Variants in ASTN2 observed in about 807,000 individuals in gnomAD.
ASTN2 encodes astrotactin 2.
Under a neutral mutation model 139.8 loss-of-function variants are expected in ASTN2, and 54 were observed. That is an observed-to-expected ratio of 0.39 (90% CI 0.31 to 0.48). ASTN2 has a LOEUF of 0.48. ASTN2 is among the 20% of genes least tolerant of loss of function. ASTN2 has a pLI of 0.95. For synonymous variants in ASTN2, 756 were observed against 719.5 expected, an observed-to-expected ratio of 1.05 and a Z score of -0.81; for missense variants, 1,565 against 1,725.1, an observed-to-expected ratio of 0.91 and a Z score of 1.64.
intron 1 of ASTN2, among the ~76,000 whole-genome samples, chr9:117,391,937 T>A (rs4836566): frequency 0.18 from 27,048 of 152,060 alleles, 2,768 homozygotes; most frequent in East Asian, 0.42. Context: ...GGCAGAATAG[T>A]CAAATCTTAA....
chr9:116,853,245 T>C (rs1391364782), intron 11 of ASTN2, among the ~76,000 whole-genome samples: 1 of 152,100 alleles, frequency 6.6e-6, no homozygotes, highest in Non-Finnish European at 1.5e-5. Context: ...ATTTATTTTA[T>C]TTTATAATGA....
At chr9:116,946,094 A>G (rs1835386439) in intron 10 of ASTN2, among the ~76,000 whole-genome samples, 1 of 152,206 alleles carries the variant, frequency 6.6e-6, no homozygotes, top group Non-Finnish European at 1.5e-5. Context: ...TATCATGAGA[A>G]CAGTAAGACA....
At chr9:117,132,804 A>G (rs535230413) in intron 4 of ASTN2, among the ~76,000 whole-genome samples, 43 of 152,344 alleles carry the variant, frequency 2.8e-4, no homozygotes, top group African/African-American at 1.0e-3. Flanking sequence ...AAGGTTTCCT[A>G]ATCAAAGATA....
intron 1 of ASTN2, among the ~76,000 whole-genome samples, chr9:117,383,276 T>C (rs559150102): frequency 9.8e-5 from 15 of 152,302 alleles, no homozygotes; most frequent in Admixed American, 2.0e-4. Context: ...TGCTGACTCC[T>C]GTACTGTTTG....
At chr9:117,121,064 C>T (rs1829546249) in intron 4 of ASTN2, among the ~76,000 whole-genome samples, 1 of 152,198 alleles carries the variant, frequency 6.6e-6, no homozygotes, top group African/African-American at 2.4e-5. Flanking sequence ...TTTTCCATCT[C>T]TATCTGGTAA....
Position 117,214,826 on chromosome 9 carries a change from C to G in ASTN2, c.631-84G>C, listed in dbSNP as rs1456770874. ...AGGGGATTTTCCTGTCCACTACACTCTGCCAGGATCCCTGGGTTTGGCTCA... is the reference window on the plus strand; with the variant it reads ...AGGGGATTTTCCTGTCCACTACACTGTGCCAGGATCCCTGGGTTTGGCTCA... On this transcript the variant is annotated intron_variant, in intron 2 of 22. Transcript: ENST00000313400. The G allele has an allele frequency of 2.3e-6, 3 of 1,319,700 alleles. No homozygotes were observed. The African/African-American group carries it at 4.4e-5, about 19-fold the overall frequency. 81.7% of individuals were successfully genotyped at this position (1,319,700 alleles called of 1,614,324 possible). A position where few individuals can be genotyped will look rare whatever the true frequency, so the allele number is the denominator to read the frequency against.
intron 19 of ASTN2, among the ~76,000 whole-genome samples, chr9:116,569,255 A>G (rs1853390471): frequency 6.6e-6 from 1 of 152,226 alleles, no homozygotes; most frequent in African/African-American, 2.4e-5. Context: ...AGCCACTGCA[A>G]GTCTCAGAGC....
chr9:116,616,176 T>A (rs975595064), intron 19 of ASTN2, among the ~76,000 whole-genome samples: 2 of 152,218 alleles, frequency 1.3e-5, no homozygotes, highest in African/African-American at 4.8e-5. Flanking sequence ...TAGGAAGAAC[T>A]GAGCTTTCTA....
At chr9:116,551,641 T>C (rs965548532) in intron 19 of ASTN2, among the ~76,000 whole-genome samples, 10 of 152,164 alleles carry the variant, frequency 6.6e-5, no homozygotes, top group Admixed American at 3.3e-4. Flanking sequence ...TGTGCCTATA[T>C]CCGCTCTGCC....
At chr9:117,186,705 C>T (rs1042318721) in intron 3 of ASTN2, among the ~76,000 whole-genome samples, 15 of 152,138 alleles carry the variant, frequency 9.9e-5, no homozygotes, top group East Asian at 5.8e-4. Flanking sequence ...TCAATTCACT[C>T]CTCAATTATT....
chr9:117,238,614 G>T lies in ASTN2; in HGVS notation c.631-23872C>A, dbSNP rs1156566782. Among the ~76,000 whole-genome samples, 4 of 152,192 alleles carry T rather than the reference G, an allele frequency of 2.6e-5. No individual in the cohort carries two copies. The East Asian group carries it at 7.7e-4, about 29-fold the overall frequency. ...TTTCATTGAGCACCTTCAGTGATGAGAAACTGATTATTCCTTGATGATGGA... is the reference window on the plus strand; with the variant it reads ...TTTCATTGAGCACCTTCAGTGATGATAAACTGATTATTCCTTGATGATGGA... On this transcript the variant is annotated intron_variant, in intron 2 of 22. Transcript: ENST00000313400.
At chr9:117,087,235 T>C (rs1249793726) in intron 5 of ASTN2, among the ~76,000 whole-genome samples, 1 of 151,984 alleles carries the variant, frequency 6.6e-6, no homozygotes, top group African/African-American at 2.4e-5. Context: ...TGTTTGTTTG[T>C]TTGTTTGTTT....
Position 116,725,837 on chromosome 9 carries a change from G to A in ASTN2, c.2740C>T (p.Leu914Phe), listed in dbSNP as rs770291108. 1.5e-5 allele frequency: 24 copies of A among 1,614,034 alleles called. No individual in the cohort carries two copies. In the South Asian group the frequency reaches 2.6e-4, roughly 18 times the overall value. ...CTGGGAAAGTGGATGATGCAGGTGA[G>A]CTCTGAGCCATAGAGGGCCTCTGCG... is the stretch of plus-strand genomic sequence containing the variant. The part of the protein sequence containing the change: ...YIAEALYGSE[L>F]TCIIHFPSKK... Residue 914 changes from leucine (L) to phenylalanine (F), a missense_variant, in exon 16 of 23, where the codon CTC becomes TTC. By Grantham distance (22) the Leu-to-Phe change is conservative. Around this residue, in one of 4 missense-constraint regions of ASTN2, gnomAD observed 48 missense variants for 90.7 expected, o/e 0.53. Coordinates refer to ENST00000313400, the MANE Select transcript of ASTN2 (RefSeq NM_001365068.1).
intron 3 of ASTN2, among the ~76,000 whole-genome samples, chr9:117,205,297 A>G (rs1344772906): frequency 6.6e-6 from 1 of 151,788 alleles, no homozygotes; most frequent in Non-Finnish European, 1.5e-5. Context: ...GCTAAAACTG[A>G]AGGACTGAGG....
intron 6 of ASTN2, among the ~76,000 whole-genome samples, chr9:117,032,679 C>T (rs1463698928): frequency 2.6e-5 from 4 of 152,160 alleles, no homozygotes; most frequent in Admixed American, 2.0e-4. Flanking sequence ...CATTAGCTCA[C>T]TCTTCTGGGA....
At chr9:116,929,087 T>G (rs1370320633) in intron 10 of ASTN2, among the ~76,000 whole-genome samples, 1 of 152,218 alleles carries the variant, frequency 6.6e-6, no homozygotes, top group Non-Finnish European at 1.5e-5. Flanking sequence ...AAAGAGGAAG[T>G]GGCAGAATGT....
chr9:117,226,849 A>C (rs1564491062), intron 2 of ASTN2, among the ~76,000 whole-genome samples: 1 of 152,210 alleles, frequency 6.6e-6, no homozygotes, highest in Non-Finnish European at 1.5e-5. Flanking sequence ...TCCTTTGCTC[A>C]GTACATTATT....
chr9:116,952,085 A>T (rs1835579036), intron 10 of ASTN2, among the ~76,000 whole-genome samples: 1 of 152,190 alleles, frequency 6.6e-6, no homozygotes, highest in Non-Finnish European at 1.5e-5. Flanking sequence ...AAGCTTTTCC[A>T]TTACTTGATT....
chr9:116,544,502 C>T (rs1852008854), intron 19 of ASTN2, among the ~76,000 whole-genome samples: 1 of 152,140 alleles, frequency 6.6e-6, no homozygotes. Context: ...GCTATGTTTC[C>T]CCATGCCAGA....
Sources: allele counts gnomAD v4.1 joint callset (sites outside exome capture counted in the v4.1 genomes callset), GRCh38; gene constraint gnomAD v4.1.1; regional missense constraint gnomAD v4.1.1; transcripts MANE v1.5; gene names NCBI Gene and HGNC (gene_info 2026-07-23, HGNC 2026-07-21).